Variants in KIRREL3 observed in about 807,000 individuals in gnomAD.
KIRREL3 encodes the protein kin of IRRE-like protein 3.
In KIRREL3, 36 loss-of-function variants were observed where a neutral mutation model predicts 89.7. The observed-to-expected ratio is 0.40, with a 90% confidence interval of 0.31 to 0.53. The LOEUF is 0.53. KIRREL3 is among the 20% of genes least tolerant of loss of function. KIRREL3 has a pLI of 0.49. For synonymous variants in KIRREL3, 445 were observed against 441.4 expected, an observed-to-expected ratio of 1.01 and a Z score of -0.10; for missense variants, 864 against 1,056.6, an observed-to-expected ratio of 0.82 and a Z score of 2.53.
chr11:126,860,556 G>T lies in KIRREL3; in HGVS notation c.55+139899C>A, dbSNP rs1390996450. On this transcript the variant is annotated intron_variant, in intron 1 of 16. Transcript: ENST00000525144. This position sits in a 1 kb window ranked among gnomAD's most constrained non-coding sequence, Gnocchi z 4.6. The stretch of plus-strand genomic sequence containing the variant: ...TGCTCTGGGTGTGGCCAGGCAGCAG[G>T]CGGCGTGGAGGCAGAGGGGCCAGGC... Among the ~76,000 whole-genome samples the T allele has an allele frequency of 6.6e-6, 1 of 152,202 alleles. No individual in the cohort carries two copies. Among genetic ancestry groups the T allele is most frequent in the Non-Finnish European group, 1.5e-5 (1 of 68,034 alleles).
At position 126,891,761 on chromosome 11, in the gene KIRREL3, G is replaced by GGGCT. The variant is rs1380312755; in HGVS notation, c.55+108690_55+108693dup. 6.6e-6 allele frequency among the ~76,000 whole-genome samples: 1 copy of GGGCT among 152,190 alleles called. No individual in the cohort carries two copies. The highest frequency in any genetic ancestry group is 2.4e-5 in the African/African-American group (1 of 41,442). On this transcript the variant is annotated intron_variant, in intron 1 of 16. Coordinates refer to ENST00000525144, the MANE Select transcript of KIRREL3 (RefSeq NM_032531.4). The surrounding 1 kb of genome is among the most constrained non-coding windows in gnomAD (Gnocchi z 5.1). ...GTTCTGCGATCCCTGGAGATGGGCA[G>GGGCT]GGCTGGGGTCAGACTCCGGTGACAG...
chr11:126,495,477 T>C lies in KIRREL3; in HGVS notation c.434-22011A>G, dbSNP rs1336405536. On this transcript the variant is annotated intron_variant, in intron 4 of 16. Coordinates refer to ENST00000525144, the MANE Select transcript of KIRREL3 (RefSeq NM_032531.4). This position sits in a 1 kb window ranked among gnomAD's most constrained non-coding sequence, Gnocchi z 6.5. ...CTGTGTTCCTCGTCTCCGCTCATCCTTGCTGGCCGGGTTTCTGGTTGTGGC... is the reference window on the plus strand; with the variant it reads ...CTGTGTTCCTCGTCTCCGCTCATCCCTGCTGGCCGGGTTTCTGGTTGTGGC... Among the ~76,000 whole-genome samples, 1 of 152,202 alleles carries C rather than the reference T, an allele frequency of 6.6e-6. No individual in the cohort carries two copies. The highest frequency in any genetic ancestry group is 1.9e-4 in the East Asian group (1 of 5,194).
intron 1 of KIRREL3, among the ~76,000 whole-genome samples, chr11:126,961,866 A>G (rs922815389): frequency 6.6e-6 from 1 of 152,250 alleles, no homozygotes; most frequent in Non-Finnish European, 1.5e-5. Context: ...GTTAAAGCCA[A>G]TGCTCATTTA....
Position 126,708,631 on chromosome 11 carries a change from G to C in KIRREL3, c.56-145719C>G, listed in dbSNP as rs1947634718. Among the ~76,000 whole-genome samples, 1 of 152,162 alleles carries C rather than the reference G, an allele frequency of 6.6e-6. No individual in the cohort carries two copies. The highest frequency in any genetic ancestry group is 1.5e-5 in the Non-Finnish European group (1 of 68,028). On this transcript the variant is annotated intron_variant, in intron 1 of 16. Coordinates refer to ENST00000525144, the MANE Select transcript of KIRREL3 (RefSeq NM_032531.4). This position sits in a 1 kb window ranked among gnomAD's most constrained non-coding sequence, Gnocchi z 5.7. The stretch of plus-strand genomic sequence containing the variant: ...GGCTCAACGTCCAGGAGAGGCACCG[G>C]CGAACTCGAGAGCCAAGAGCGGCAC...
intron 1 of KIRREL3, among the ~76,000 whole-genome samples, chr11:126,930,903 G>A (rs921146249): frequency 6.6e-6 from 1 of 152,186 alleles, no homozygotes; most frequent in Non-Finnish European, 1.5e-5. Flanking sequence ...TGCCTCCTCT[G>A]TACATGTTCC....
rs576809906 is a variant in KIRREL3, at chr11:126,910,275, TA to T, written c.55+90179del. On this transcript the variant is annotated intron_variant, in intron 1 of 16. Transcript: ENST00000525144. ...CCTTTGATGGATACACATACCTTTA[TA>T]AAAAGGCTTTCAGATGCAGGAAGAG... Among the ~76,000 whole-genome samples the T allele has an allele frequency of 3.5e-4, 53 of 152,274 alleles. 1 individual carries two copies. The South Asian group carries it at 0.011, about 32-fold the overall frequency.
Position 126,994,713 on chromosome 11 carries a change from T to C in KIRREL3, c.55+5742A>G, listed in dbSNP as rs1170569720. Among the ~76,000 whole-genome samples the C allele has an allele frequency of 6.6e-6, 1 of 152,190 alleles. No individual in the cohort carries two copies. Among genetic ancestry groups the C allele is most frequent in the African/African-American group, 2.4e-5 (1 of 41,464 alleles). ...CAGTGAGTTAGAAGCTATGAGTGAATGAAAGTTAACGTGCAGTAGGGGGAG... is the reference window on the plus strand; with the variant it reads ...CAGTGAGTTAGAAGCTATGAGTGAACGAAAGTTAACGTGCAGTAGGGGGAG... On this transcript the variant is annotated intron_variant, in intron 1 of 16. Transcript: ENST00000525144. This position sits in a 1 kb window ranked among gnomAD's most constrained non-coding sequence, Gnocchi z 5.2.
chr11:126,517,250 G>GTCAT (rs929797627), intron 4 of KIRREL3, among the ~76,000 whole-genome samples: 1 of 151,788 alleles, frequency 6.6e-6, no homozygotes, highest in East Asian at 1.9e-4. Flanking sequence ...AACCAGAAAC[G>GTCAT]TCATTCATTC....
rs78096773 is a variant in KIRREL3 at position 126,510,498 on chromosome 11, G to C, written c.433+10817C>G. The stretch of plus-strand genomic sequence containing the variant: ...TTTTTGAGATAGGGGTCTCACTGTT[G>C]ACCAGACACTGCACCCTTTGCCTCT... On this transcript the variant is annotated intron_variant, in intron 4 of 16. Coordinates refer to ENST00000525144, the MANE Select transcript of KIRREL3 (RefSeq NM_032531.4). 4.3e-4 allele frequency among the ~76,000 whole-genome samples: 56 copies of C among 129,240 alleles called. No individual in the cohort carries two copies. In the East Asian group the frequency reaches 0.011, roughly 24 times the overall value. 84.8% of individuals were successfully genotyped at this position (129,240 alleles called of 152,430 possible).
chr11:126,855,453 C>G (rs894812971), intron 1 of KIRREL3, among the ~76,000 whole-genome samples: 1 of 152,204 alleles, frequency 6.6e-6, no homozygotes, highest in Admixed American at 6.5e-5. Flanking sequence ...GGACAGCCTG[C>G]AGAATTGTGA....
rs1293023723 is a variant in KIRREL3, at chr11:126,441,420, G to C, written c.1253-871C>G. 6.6e-6 allele frequency among the ~76,000 whole-genome samples: 1 copy of C among 152,228 alleles called. No homozygotes were observed. Among genetic ancestry groups the C allele is most frequent in the East Asian group, 1.9e-4 (1 of 5,198 alleles). Reference sequence around the variant, plus strand: ...GTTACCTAACCCAAGTCTTTCCCCTGTGACGCCTGCCTGGCCGTGAAAGAC... The same window carrying C: ...GTTACCTAACCCAAGTCTTTCCCCTCTGACGCCTGCCTGGCCGTGAAAGAC... On this transcript the variant is annotated intron_variant, in intron 10 of 16. Coordinates refer to ENST00000525144, the MANE Select transcript of KIRREL3 (RefSeq NM_032531.4). The surrounding 1 kb of genome is among the most constrained non-coding windows in gnomAD (Gnocchi z 5.0).
In KIRREL3 at chr11:126,429,733, A is replaced by G. The variant is rs1270938689; in HGVS notation, c.1697-445T>C. On this transcript the variant is annotated intron_variant, in intron 14 of 16. Transcript: ENST00000525144. The surrounding 1 kb of genome is among the most constrained non-coding windows in gnomAD (Gnocchi z 5.2). ...AGTGCCCATGGCCAACCCCCATCCA[A>G]AGAGAAACGCCCCTGAGGCAGTGGG... is the stretch of plus-strand genomic sequence containing the variant. 6.6e-6 allele frequency among the ~76,000 whole-genome samples: 1 copy of G among 152,134 alleles called. No individual in the cohort carries two copies. Among genetic ancestry groups the G allele is most frequent in the African/African-American group, 2.4e-5 (1 of 41,432 alleles).
chr11:126,581,157 A>G (rs572125965), intron 1 of KIRREL3, among the ~76,000 whole-genome samples: 15 of 152,188 alleles, frequency 9.9e-5, no homozygotes, highest in Non-Finnish European at 1.5e-4. Context: ...TAAATTTTCA[A>G]ATATAATTTT....
rs1447969423 is a variant in KIRREL3, at chr11:126,993,769, C to T, written c.55+6686G>A. The stretch of plus-strand genomic sequence containing the variant: ...ACAAAGGAAGGAGCAGCATATTTCA[C>T]CCACTGAGACACTAGACTATGTGGA... On this transcript the variant is annotated intron_variant, in intron 1 of 16. Transcript: ENST00000525144. This position sits in a 1 kb window ranked among gnomAD's most constrained non-coding sequence, Gnocchi z 6.1. 3.3e-5 allele frequency among the ~76,000 whole-genome samples: 5 copies of T among 152,198 alleles called. No individual in the cohort carries two copies. The highest frequency in any genetic ancestry group is 1.2e-4 in the African/African-American group (5 of 41,446).
At chr11:126,524,990 C>T (rs149024109) in intron 3 of KIRREL3, among the ~76,000 whole-genome samples, 132 of 152,226 alleles carry the variant, frequency 8.7e-4, no homozygotes, top group African/African-American at 2.9e-3. Context: ...AGAGGCAAAC[C>T]GAGTCAAGCT....
Position 126,606,650 on chromosome 11 carries a change from T to A in KIRREL3, c.56-43738A>T, listed in dbSNP as rs1942902838. On this transcript the variant is annotated intron_variant, in intron 1 of 16. Transcript: ENST00000525144. This position sits in a 1 kb window ranked among gnomAD's most constrained non-coding sequence, Gnocchi z 4.6. ...CATTCCAGGGAGGGAACCGGAGGAC[T>A]CCAGTCAGTTTCCAAGCTGCATAAC... Among the ~76,000 whole-genome samples the A allele has an allele frequency of 1.3e-5, 2 of 152,004 alleles. No individual in the cohort carries two copies. The highest frequency in any genetic ancestry group is 4.8e-5 in the African/African-American group (2 of 41,352).
chr11:126,787,393 C>T (rs1565730984), intron 1 of KIRREL3, among the ~76,000 whole-genome samples: 1 of 152,184 alleles, frequency 6.6e-6, no homozygotes, highest in Non-Finnish European at 1.5e-5. Flanking sequence ...TTGCCAAATG[C>T]TAAAAACAAT....
intron 1 of KIRREL3, among the ~76,000 whole-genome samples, chr11:126,692,892 C>T (rs1946935341): frequency 6.6e-6 from 1 of 152,214 alleles, no homozygotes; most frequent in Admixed American, 6.5e-5. Flanking sequence ...CTCTTCCCAC[C>T]AACAGGTGGA....
At chr11:126,718,182 C>T (rs929794916) in intron 1 of KIRREL3, among the ~76,000 whole-genome samples, 2 of 152,190 alleles carry the variant, frequency 1.3e-5, no homozygotes, top group African/African-American at 4.8e-5. Flanking sequence ...CCTGCAGCCA[C>T]ATTTCTGCCC....
Sources: allele counts gnomAD v4.1 joint callset (sites outside exome capture counted in the v4.1 genomes callset), GRCh38; gene constraint gnomAD v4.1.1; non-coding constraint Gnocchi (gnomAD v3.1); transcripts MANE v1.5; gene names NCBI Gene and HGNC (gene_info 2026-07-23, HGNC 2026-07-21).